MIGA1: variants seen among roughly 807,000 people sequenced by gnomAD.
The protein encoded by MIGA1 is family with sequence similarity 73, member A.
Under a neutral mutation model 82.0 loss-of-function variants are expected in MIGA1, and 58 were observed. That is an observed-to-expected ratio of 0.71 (90% confidence interval 0.57 to 0.88). The LOEUF (loss-of-function observed/expected upper bound fraction) is 0.88, where lower values mean the gene tolerates loss of function less well. Among genes scored for constraint, MIGA1 ranks in the 40% least tolerant of loss-of-function variants. MIGA1 has a pLI of 0.00. For synonymous variants in MIGA1, 249 were observed against 253.6 expected (o/e 0.98, Z 0.17); for missense variants, 751 against 749.1 (o/e 1.00, Z -0.03).
At chr1:77,796,507 C>T (rs115529737) in intron 2 of MIGA1, among the ~76,000 whole-genome samples, 27 of 152,010 alleles carry the variant, frequency 1.8e-4, no homozygotes, top group African/African-American at 6.0e-4. Context: ...ACTGCAACCT[C>T]GAACCCCTGG....
chr1:77,851,106 G>T (rs1685031356), intron 8 of MIGA1, among the ~76,000 whole-genome samples: 1 of 152,094 alleles, frequency 6.6e-6, no homozygotes, highest in Non-Finnish European at 1.5e-5. Flanking sequence ...CTGACCCTCA[G>T]ATGATCCACC....
At chr1:77,842,936 A>G (rs554233368) in intron 7 of MIGA1, among the ~76,000 whole-genome samples, 12 of 152,356 alleles carry the variant, frequency 7.9e-5, no homozygotes, top group African/African-American at 2.6e-4. Context: ...CAATGAACCT[A>G]CAAGTTCTTC....
intron 7 of MIGA1, among the ~76,000 whole-genome samples, chr1:77,829,973 G>A (rs938242266): frequency 2.1e-5 from 3 of 140,328 alleles, no homozygotes; most frequent in African/African-American, 8.0e-5. Flanking sequence ...TCCTGCATTG[G>A]TTTCACAGTG....
intron 7 of MIGA1, among the ~76,000 whole-genome samples, chr1:77,828,507 A>G (rs1057230053): frequency 1.3e-5 from 2 of 152,228 alleles, no homozygotes; most frequent in African/African-American, 4.8e-5. Flanking sequence ...AGTAAATGGT[A>G]TAATTTCAGC....
chr1:77,825,226 G>A lies in MIGA1; in HGVS notation c.895+9995G>A, dbSNP rs368235530. 5.9e-5 allele frequency among the ~76,000 whole-genome samples: 9 copies of A among 151,940 alleles called. No individual in the cohort carries two copies. The South Asian group carries it at 1.2e-3, about 21-fold the overall frequency. ...TTCACCATGTTGGCAGGCTGGTCTCGAACTTCTGGCCTCAAGTGATCTGCC... is the reference window on the plus strand; with the variant it reads ...TTCACCATGTTGGCAGGCTGGTCTCAAACTTCTGGCCTCAAGTGATCTGCC... On this transcript the variant is annotated intron_variant, in intron 7 of 15. Transcript: ENST00000370791.
At chr1:77,847,299 G>A in intron 8 of MIGA1, 1 of 921,894 alleles carries the variant, frequency 1.1e-6, no homozygotes, top group Non-Finnish European at 1.8e-6. Flanking sequence ...AATCCAGAAG[G>A]CCCTTGCAGA....
chr1:77,825,812 T>C (rs1285952249), intron 7 of MIGA1, among the ~76,000 whole-genome samples: 3 of 152,188 alleles, frequency 2.0e-5, no homozygotes, highest in Non-Finnish European at 4.4e-5. Flanking sequence ...CAATTATACA[T>C]AGTATAACTT....
Position 77,858,959 on chromosome 1 carries a change from C to T in MIGA1, c.1018C>T (p.Arg340Trp), listed in dbSNP as rs775316428. 93 of 1,611,990 alleles carry T rather than the reference C, an allele frequency of 5.8e-5. No individual in the cohort carries two copies. The highest frequency in any genetic ancestry group is 4.8e-4 in the South Asian group (44 of 91,036). ...TTAGCTTGCAGAACACAGAGAAGTA[C>T]GGCATACCTACAGCCTGGAGTCCCT... is the stretch of plus-strand genomic sequence containing the variant. The change falls in exon 9 of 16, where the codon CGG becomes TGG. Residue 340 changes from arginine to tryptophan, a missense_variant. Physicochemically the swap from Arg to Trp is moderately radical, Grantham distance 101. Coordinates refer to ENST00000370791, the MANE Select transcript of MIGA1 (RefSeq NM_198549.4).
At position 77,834,382 on chromosome 1, in the gene MIGA1, C is replaced by T. The variant is rs149938223; in HGVS notation, c.896-8925C>T. Among the ~76,000 whole-genome samples the T allele has an allele frequency of 3.6e-3, 550 of 152,184 alleles. 4 individuals carry two copies. Among genetic ancestry groups the T allele is most frequent in the African/African-American group, 0.013 (530 of 41,542 alleles). ...ATAGAGATGGGATTTCGGTATGTTG[C>T]TTGGGCTGGTCTTGAACTCTTGGGG... is the stretch of plus-strand genomic sequence containing the variant. On this transcript the variant is annotated intron_variant, in intron 7 of 15. Transcript: ENST00000370791.
chr1:77,795,994 G>A (rs1298734564), intron 2 of MIGA1, among the ~76,000 whole-genome samples: 1 of 151,946 alleles, frequency 6.6e-6, no homozygotes, highest in Non-Finnish European at 1.5e-5. Context: ...ATTCAGCAGT[G>A]AGACACCTGG....
chr1:77,789,832 C>G (rs1682342421), intron 2 of MIGA1, among the ~76,000 whole-genome samples: 1 of 151,754 alleles, frequency 6.6e-6, no homozygotes, highest in Admixed American at 6.6e-5. Flanking sequence ...TCTTCAAGGA[C>G]CCCTTTAGTG....
chr1:77,865,285 T>G (rs545877341), intron 13 of MIGA1, among the ~76,000 whole-genome samples: 2 of 152,058 alleles, frequency 1.3e-5, no homozygotes, highest in Non-Finnish European at 2.9e-5. Flanking sequence ...CCAATAGTAC[T>G]ATTCTTGAAA....
intron 2 of MIGA1, among the ~76,000 whole-genome samples, chr1:77,788,472 T>C (rs1425924396): frequency 6.6e-6 from 1 of 152,210 alleles, no homozygotes; most frequent in African/African-American, 2.4e-5. Context: ...TGATGGTGTC[T>C]TTTGATGCAC....
At chr1:77,840,658 C>T (rs1170714013) in intron 7 of MIGA1, among the ~76,000 whole-genome samples, 6 of 151,890 alleles carry the variant, frequency 4.0e-5, no homozygotes, top group Non-Finnish European at 7.4e-5. Flanking sequence ...ACTAAAAATA[C>T]AAAATTAGCC....
chr1:77,866,257 C>T, intron 13 of MIGA1, 81 bp from the exon 14 acceptor site: 2 of 1,303,486 alleles, frequency 1.5e-6, no homozygotes, highest in South Asian at 2.4e-5. Flanking sequence ...CGTTTTAGAC[C>T]CATAAACTTT....
At chr1:77,807,764 C>T (rs1683159110) in intron 5 of MIGA1, among the ~76,000 whole-genome samples, 1 of 152,126 alleles carries the variant, frequency 6.6e-6, no homozygotes, top group Non-Finnish European at 1.5e-5. Context: ...ATTCCAGTCT[C>T]TACCTTTGTC....
intron 14 of MIGA1, among the ~76,000 whole-genome samples, chr1:77,867,992 A>G (rs1054575431): frequency 2.0e-5 from 3 of 152,180 alleles, no homozygotes; most frequent in Admixed American, 6.5e-5. Context: ...TGATTCTCAC[A>G]CTAGCTAGCA....
chr1:77,791,891 AAATT>A (rs372763105), intron 2 of MIGA1, among the ~76,000 whole-genome samples: 123 of 152,294 alleles, frequency 8.1e-4, no homozygotes, highest in African/African-American at 2.8e-3. Context: ...AGAAATTACA[AAATT>A]AATTATTGGC....
At chr1:77,845,334 T>G (rs763170003) in intron 8 of MIGA1, among the ~76,000 whole-genome samples, 3 of 152,212 alleles carry the variant, frequency 2.0e-5, no homozygotes, top group Non-Finnish European at 4.4e-5. Context: ...TACTATGTCC[T>G]AGGTCGTTTG....
Sources: allele counts gnomAD v4.1 joint callset (sites outside exome capture counted in the v4.1 genomes callset), GRCh38; gene constraint gnomAD v4.1.1; transcripts MANE v1.5; gene names NCBI Gene and HGNC (gene_info 2026-07-23, HGNC 2026-07-21).